The following NPAS4 variants were observed in gnomAD, a reference collection of about 807,000 sequenced individuals.
NPAS4 encodes the protein neuronal PAS domain protein 4, also known as neuronal PAS domain-containing protein 4.
In NPAS4, 10 loss-of-function variants were observed where a neutral mutation model predicts 64.0. That is an observed-to-expected ratio of 0.16 (90% CI 0.10 to 0.26). The LOEUF (loss-of-function observed/expected upper bound fraction) is 0.26, where lower values mean the gene tolerates loss of function less well. NPAS4 is among the 10% of genes least tolerant of loss of function. The probability of loss-of-function intolerance (pLI) is 1.00; values close to 1 mark genes in which losing one functional copy is unlikely to be tolerated. For synonymous variants in NPAS4, 441 were observed against 411.7 expected (o/e 1.07, Z -0.86); for missense variants, 886 against 992.6 (o/e 0.89, Z 1.44).
chr11:66,420,906 C>T (rs1856730772), upstream of NPAS4: 12 of 416,686 alleles, frequency 2.9e-5, no homozygotes, highest in South Asian at 4.3e-4. Flanking sequence ...GGAGGAGCCC[C>T]CCTCCCCAGT....
Position 66,424,698 on chromosome 11 carries a change from C to A in NPAS4, c.1808C>A (p.Pro603His). The A allele has an allele frequency of 6.2e-7, 1 of 1,612,956 alleles. No homozygotes were observed. Among genetic ancestry groups the A allele is most frequent in the Non-Finnish European group, 8.5e-7 (1 of 1,179,296 alleles). The change falls in exon 7 of 8, where the codon CCC becomes CAC. Residue 603 changes from proline (P) to histidine (H), a missense_variant. This residue lies in a region of NPAS4 where 820 missense variants were observed against 855.5 expected (regional missense o/e 0.96). Transcript: ENST00000311034. ...QLRGPLSVDV[P>H]LVPEGLLTPE... ...CGGGGCCCCCTCTCTGTGGATGTCC[C>A]CCTGGTGCCCGAAGGCCTGCTCACA...
At chr11:66,420,063 G>A (rs990621009), upstream of NPAS4, among the ~76,000 whole-genome samples, 7 of 152,190 alleles carry the variant, frequency 4.6e-5, no homozygotes, top group Non-Finnish European at 8.8e-5. Flanking sequence ...GGATTCCCCC[G>A]GCCCCGCCCC....
At chr11:66,415,411 A>G in the NPAS4 span, among the ~76,000 whole-genome samples, 17 of 152,184 alleles carry the variant, frequency 1.1e-4, no homozygotes. Flanking sequence ...ACAAGTGGAG[A>G]TATTCCTGGT....
At position 66,424,131 on chromosome 11, in the gene NPAS4, C is replaced by A. The variant is rs761442853; in HGVS notation, c.1241C>A (p.Ala414Glu). 3.7e-6 allele frequency: 6 copies of A among 1,614,082 alleles called. No homozygotes were observed. Among genetic ancestry groups the A allele is most frequent in the East Asian group, 4.5e-5 (2 of 44,846 alleles). ...FPSGPEPSLQAELSKDLVCTP... is the reference protein window; with the variant it reads ...FPSGPEPSLQEELSKDLVCTP... ...TCTGGGCCTGAGCCTTCTCTCCAAG[C>A]AGAACTAAGCAAGGATCTTGTGTGC... Residue 414 changes from alanine (A) to glutamate (E), a missense_variant, in exon 7 of 8, where the codon GCA becomes GAA. Around this residue, in one of 3 missense-constraint regions of NPAS4, gnomAD observed 820 missense variants for 855.5 expected, o/e 0.96. Coordinates refer to ENST00000311034, the MANE Select transcript of NPAS4 (RefSeq NM_178864.4).
chr11:66,414,097 ATGCAGGGTGCAGAG>A, the NPAS4 span, among the ~76,000 whole-genome samples: 1 of 152,168 alleles, frequency 6.6e-6, no homozygotes, highest in Non-Finnish European at 1.5e-5. Context: ...CACAGGGACA[ATGCAGGGTGCAGAG>A]TGCGGTGACG....
upstream of NPAS4, among the ~76,000 whole-genome samples, chr11:66,418,155 C>G (rs900875142): frequency 6.6e-6 from 1 of 152,196 alleles, no homozygotes; most frequent in Non-Finnish European, 1.5e-5. Context: ...ACCCCAAAGC[C>G]CCTCTCCCAA....
In NPAS4 at chr11:66,424,560, C is replaced by A. The variant is rs756708690; in HGVS notation, c.1670C>A (p.Pro557His). The change falls in exon 7 of 8, where the codon CCT (proline) becomes CAT (histidine). Residue 557 changes from proline (P) to histidine (H), a missense_variant. Coordinates refer to ENST00000311034, the MANE Select transcript of NPAS4 (RefSeq NM_178864.4). ...TTCCCAGAGCAACTGAGCCCCAACC[C>A]TACCAAGACTTACTTTGCCCAGGAG... The part of the protein sequence containing the change: ...QTFPEQLSPN[P>H]TKTYFAQEGC... 4 of 1,614,210 alleles carry A rather than the reference C, an allele frequency of 2.5e-6. No homozygotes were observed. The highest frequency in any genetic ancestry group is 3.4e-6 in the Non-Finnish European group (4 of 1,180,036).
upstream of NPAS4, among the ~76,000 whole-genome samples, chr11:66,417,829 G>A (rs1455346730): frequency 1.3e-5 from 2 of 151,910 alleles, no homozygotes; most frequent in Admixed American, 1.3e-4. Context: ...AAAAAGACAA[G>A]CATAGATGCA....
In NPAS4 at chr11:66,424,563, C is replaced by G. The variant is rs371118164; in HGVS notation, c.1673C>G (p.Thr558Ser). ...TFPEQLSPNP[T>S]KTYFAQEGCS... ...CCAGAGCAACTGAGCCCCAACCCTACCAAGACTTACTTTGCCCAGGAGGGA... is the reference window on the plus strand; with the variant it reads ...CCAGAGCAACTGAGCCCCAACCCTAGCAAGACTTACTTTGCCCAGGAGGGA... The change falls in exon 7 of 8, where the codon ACC (threonine) becomes AGC (serine). Residue 558 changes from threonine to serine, a missense_variant. This residue lies in a region of NPAS4 where 820 missense variants were observed against 855.5 expected (regional missense o/e 0.96). Coordinates refer to ENST00000311034, the MANE Select transcript of NPAS4 (RefSeq NM_178864.4). The G allele has an allele frequency of 6.2e-7, 1 of 1,614,092 alleles. No homozygotes were observed. The highest frequency in any genetic ancestry group is 1.3e-5 in the African/African-American group (1 of 74,930).
Position 66,424,327 on chromosome 11 carries a change from T to C in NPAS4, c.1437T>C (p.Asp479=). 1.2e-6 allele frequency: 2 copies of C among 1,614,012 alleles called. No homozygotes were observed. Among genetic ancestry groups the C allele is most frequent in the Non-Finnish European group, 1.7e-6 (2 of 1,180,016 alleles). Reference sequence around the variant, plus strand: ...CGCCCAGCAGTGCAACCTTCCCAGATCCACTAACTAGCCCACTGCAAGGCC... The same window carrying C: ...CGCCCAGCAGTGCAACCTTCCCAGACCCACTAACTAGCCCACTGCAAGGCC... ...QLTPSSATFP[D]PLTSPLQGQL... Residue 479 remains aspartate (D), a synonymous_variant, in exon 7 of 8, where the codon GAT becomes GAC. Coordinates refer to ENST00000311034, the MANE Select transcript of NPAS4 (RefSeq NM_178864.4).
rs1856837264 is a variant in NPAS4 at position 66,426,279 on chromosome 11, C to T, written c.*290C>T. 7 of 372,750 alleles carry T rather than the reference C, an allele frequency of 1.9e-5. No individual in the cohort carries two copies. In the South Asian group the frequency reaches 2.3e-4, roughly 12 times the overall value. The allele number at this position is 372,750 out of a possible 1,614,324, so 23.1% of individuals were successfully genotyped here. A position where few individuals can be genotyped will look rare whatever the true frequency, so the allele number is the denominator to read the frequency against. ...AGCGGAGAATGGGGGAGTCTCACTT[C>T]CCCGCCGCCTTGCCCCATTGGCCTG... On this transcript the variant is annotated 3_prime_UTR_variant, in exon 8 of 8. Transcript: ENST00000311034.
chr11:66,423,009 G>T (rs1282107053), intron 4 of NPAS4, 68 bp downstream of exon 4: 1 of 1,562,168 alleles, frequency 6.4e-7, no homozygotes, highest in Admixed American at 1.8e-5. Context: ...AGATTCTGGA[G>T]TCAGGGGCAG....
In NPAS4 at chr11:66,424,082, G is replaced by A. The variant is rs374024618; in HGVS notation, c.1192G>A (p.Asp398Asn). The A allele has an allele frequency of 1.9e-6, 3 of 1,613,988 alleles. No individual in the cohort carries two copies. Among genetic ancestry groups the A allele is most frequent in the East Asian group, 2.2e-5 (1 of 44,876 alleles). The change falls in exon 7 of 8, where the codon GAC (aspartate) becomes AAC (asparagine). Residue 398 changes from aspartate to asparagine, a missense_variant. Asp to Asn is a conservative substitution (Grantham distance 23). Coordinates refer to ENST00000311034, the MANE Select transcript of NPAS4 (RefSeq NM_178864.4). ...GCTTCCCCGACCCTCCAAAGAACTG[G>A]ACTTCAGTTACCTGACATTCCCTTC... is the stretch of plus-strand genomic sequence containing the variant. ...EELPRPSKEL[D>N]FSYLTFPSGP...
chr11:66,417,577 G>A (rs183552281), upstream of NPAS4, among the ~76,000 whole-genome samples: 1 of 152,254 alleles, frequency 6.6e-6, no homozygotes, highest in East Asian at 1.9e-4. Context: ...GGAAAGAGGT[G>A]AGCAAGATAT....
chr11:66,421,471 T>C (rs1031804330), intron 1 of NPAS4, 117 bp downstream of exon 1: 7 of 876,702 alleles, frequency 8.0e-6, no homozygotes, highest in Non-Finnish European at 1.1e-5. Context: ...GCTGGGGAGA[T>C]TCGGGACTCG....
At chr11:66,421,824 T>C (rs114638995) in intron 1 of NPAS4, among the ~76,000 whole-genome samples, 1,829 of 152,336 alleles carry the variant, frequency 0.012, 28 homozygotes, top group African/African-American at 0.036. Context: ...CACAGTCGGC[T>C]TCGGAGCTCT....
chr11:66,418,258 C>G (rs1447777611), upstream of NPAS4, among the ~76,000 whole-genome samples: 1 of 152,174 alleles, frequency 6.6e-6, no homozygotes, highest in Non-Finnish European at 1.5e-5. Context: ...CTGCTGCCTG[C>G]CACTTGGGGG....
chr11:66,411,801 C>T, the NPAS4 span, among the ~76,000 whole-genome samples: 9 of 152,212 alleles, frequency 5.9e-5, no homozygotes, highest in South Asian at 4.1e-4. Context: ...TGTTGCCCCT[C>T]GGCCCAGTCC....
intron 5 of NPAS4, 157 bp from the exon 6 acceptor site, chr11:66,423,421 G>T: frequency 1.1e-6 from 1 of 881,442 alleles, no homozygotes; most frequent in Non-Finnish European, 1.8e-6. Flanking sequence ...GGGACTCTGA[G>T]TGGTGAGGTC....
Sources: gnomAD v4.1 joint callset for allele counts (sites outside exome capture counted in the v4.1 genomes callset) on GRCh38, gnomAD v4.1.1 for gene constraint, gnomAD v4.1.1 regional missense constraint, MANE v1.5 for transcripts, NCBI Gene and HGNC (gene_info 2026-07-23, HGNC 2026-07-21) for gene names.